Variants in MYO9A observed in about 807,000 individuals in gnomAD.
MYO9A encodes the protein unconventional myosin-IXa.
A neutral mutation model predicts 293.3 loss-of-function variants in MYO9A; 103 were observed. The ratio of observed to expected loss-of-function variants is 0.35; its 90% confidence interval spans 0.30 to 0.41. The LOEUF is 0.41. Among genes scored for constraint, MYO9A ranks in the 10% least tolerant of loss-of-function variants. The pLI, the probability that MYO9A is intolerant of heterozygous loss-of-function variation, is 1.00. For synonymous variants in MYO9A, 1,001 were observed against 1,035.7 expected, an observed-to-expected ratio of 0.97 and a Z score of 0.64; for missense variants, 2,685 against 3,033.0, an observed-to-expected ratio of 0.89 and a Z score of 2.69.
chr15:71,851,413 T>C, intron 36 of MYO9A, 55 bp from the exon 37 acceptor site: 2 of 1,386,168 alleles, frequency 1.4e-6, no homozygotes, highest in Non-Finnish European at 2.0e-6. Flanking sequence ...ATACAGTGTA[T>C]CTTCCTCCCA....
At chr15:71,997,344 G>A (rs1264683583) in intron 9 of MYO9A, among the ~76,000 whole-genome samples, 1 of 152,140 alleles carries the variant, frequency 6.6e-6, no homozygotes, top group African/African-American at 2.4e-5. Context: ...GCTCACGCCT[G>A]TAATCCCAAA....
At chr15:71,840,983 G>A (rs2055137990) in intron 39 of MYO9A, among the ~76,000 whole-genome samples, 1 of 152,100 alleles carries the variant, frequency 6.6e-6, no homozygotes, top group Admixed American at 6.6e-5. Flanking sequence ...TGTGTTCTTT[G>A]GTATTTGATG....
chr15:71,956,310 T>TAAAAAAA (rs869151550), intron 14 of MYO9A, among the ~76,000 whole-genome samples: 30 of 36,758 alleles, frequency 8.2e-4, no homozygotes, highest in African/African-American at 2.6e-3. Context: ...ACCCGGCTCT[T>TAAAAAAA]AAAAAAAAAA....
intron 23 of MYO9A, among the ~76,000 whole-genome samples, chr15:71,900,531 G>A (rs2057454805): frequency 6.6e-6 from 1 of 152,088 alleles, no homozygotes; most frequent in South Asian, 2.1e-4. Flanking sequence ...AGATATGTTT[G>A]GCTAAAACAG....
intron 18 of MYO9A, among the ~76,000 whole-genome samples, chr15:71,929,172 C>T (rs2058409087): frequency 6.6e-6 from 1 of 151,602 alleles, no homozygotes; most frequent in Non-Finnish European, 1.5e-5. Context: ...TATATCAGTT[C>T]TAACAGCTTT....
At chr15:71,891,081 GGTAA>G (rs1241808398) in intron 26 of MYO9A, 1 of 152,096 alleles carries the variant, frequency 6.6e-6, no homozygotes, top group Non-Finnish European at 1.5e-5. Flanking sequence ...CCCCAACCCT[GGTAA>G]GTAACTATCC....
intron 27 of MYO9A, among the ~76,000 whole-genome samples, chr15:71,884,957 TC>T (rs2056977039): frequency 1.4e-5 from 2 of 141,832 alleles, no homozygotes; most frequent in Admixed American, 1.4e-4. Flanking sequence ...CTTTCTTTCT[TC>T]CTTTTTTTTT....
intron 4 of MYO9A, among the ~76,000 whole-genome samples, chr15:72,022,268 T>C (rs2077522795): frequency 6.6e-6 from 1 of 152,128 alleles, no homozygotes; most frequent in Non-Finnish European, 1.5e-5. Flanking sequence ...ACACCTGTAA[T>C]CCCAGCACTT....
intron 12 of MYO9A, among the ~76,000 whole-genome samples, chr15:71,971,054 G>A (rs929898560): frequency 6.6e-5 from 10 of 151,884 alleles, no homozygotes; most frequent in African/African-American, 1.7e-4. Flanking sequence ...CCAGCTGCTC[G>A]GGAGGCTGAG....
Position 71,964,353 on chromosome 15 carries a change from G to T in MYO9A, c.1986+3631C>A, listed in dbSNP as rs139926161. Among the ~76,000 whole-genome samples, 24 of 152,090 alleles carry T rather than the reference G, an allele frequency of 1.6e-4. No homozygotes were observed. In the East Asian group the frequency reaches 4.7e-3, roughly 29 times the overall value. On this transcript the variant is annotated intron_variant, in intron 13 of 41. Transcript: ENST00000356056. ...CTAGTTTCTCACATAGAAGCTTAGA[G>T]AACCACTTTTCAATCAAGCATGGTG...
At chr15:72,065,876 A>C (rs2079007429) in intron 1 of MYO9A, among the ~76,000 whole-genome samples, 1 of 152,240 alleles carries the variant, frequency 6.6e-6, no homozygotes, top group Non-Finnish European at 1.5e-5. Context: ...CATTGTTCAA[A>C]AATATTCACT....
At chr15:72,043,359 CTAGA>C (rs2078283823) in intron 2 of MYO9A, among the ~76,000 whole-genome samples, 1 of 151,960 alleles carries the variant, frequency 6.6e-6, no homozygotes, top group African/African-American at 2.4e-5. Flanking sequence ...CATTACATTG[CTAGA>C]TATTTACTGA....
intron 1 of MYO9A, among the ~76,000 whole-genome samples, chr15:72,099,521 G>C (rs185019173): frequency 1.3e-5 from 2 of 151,096 alleles, no homozygotes; most frequent in Admixed American, 6.6e-5. Context: ...AGAATCACTC[G>C]AGCCTGGGAG....
intron 1 of MYO9A, among the ~76,000 whole-genome samples, chr15:72,047,854 T>C (rs1184896465): frequency 1.5e-5 from 2 of 137,464 alleles, no homozygotes; most frequent in African/African-American, 5.5e-5. Context: ...CTTGGCTCAC[T>C]GCACCCTCCA....
Position 71,925,531 on chromosome 15 carries a change from TTTCTC to T in MYO9A, c.2562+8134_2562+8138del, listed in dbSNP as rs1302268461. ...TTCTGGAGAGTTAAGCTTTAATTCT[TTTCTC>T]TTTCTTATTTATGTATCTGCTGTCG... is the stretch of plus-strand genomic sequence containing the variant. On this transcript the variant is annotated intron_variant, in intron 18 of 41. Transcript: ENST00000356056. Among the ~76,000 whole-genome samples the T allele has an allele frequency of 4.6e-5, 7 of 152,118 alleles. No homozygotes were observed. The South Asian group carries it at 1.0e-3, about 23-fold the overall frequency.
chr15:71,868,627 G>C (rs1567213618), intron 32 of MYO9A, among the ~76,000 whole-genome samples: 1 of 152,174 alleles, frequency 6.6e-6, no homozygotes, highest in Non-Finnish European at 1.5e-5. Context: ...CATAGACAGA[G>C]AAGGGTCTTC....
At chr15:71,925,307 GTA>G (rs1567278479) in intron 18 of MYO9A, among the ~76,000 whole-genome samples, 19 of 148,020 alleles carry the variant, frequency 1.3e-4, no homozygotes, top group South Asian at 4.2e-4. Context: ...ACATATATAC[GTA>G]TATACGTATA....
At chr15:72,018,887 A>G in intron 6 of MYO9A, 152 bp downstream of exon 6, 1 of 640,106 alleles carries the variant, frequency 1.6e-6, no homozygotes, top group Non-Finnish European at 2.7e-6. Flanking sequence ...ATATAAATCA[A>G]TCATTCAAAA....
intron 10 of MYO9A, among the ~76,000 whole-genome samples, chr15:71,992,858 T>C (rs2076579931): frequency 6.6e-6 from 1 of 151,616 alleles, no homozygotes; most frequent in African/African-American, 2.4e-5. Flanking sequence ...AGAAGAGGCC[T>C]TCCTCTGTAA....
Sources: gnomAD v4.1 joint callset for allele counts (sites outside exome capture counted in the v4.1 genomes callset) on GRCh38, gnomAD v4.1.1 for gene constraint, MANE v1.5 for transcripts, NCBI Gene and HGNC (gene_info 2026-07-23, HGNC 2026-07-21) for gene names.